Variants in TTC28 observed in about 807,000 individuals in gnomAD.
TTC28 encodes the protein tetratricopeptide repeat domain 28.
TTC28 carries 61 observed loss-of-function variants against 198.0 expected under a neutral mutation model. That is an observed-to-expected ratio of 0.31 (90% CI 0.25 to 0.38). TTC28 has a LOEUF of 0.38. Ranked by LOEUF, TTC28 falls within the 10% of genes least tolerant of loss-of-function variation. The pLI is 1.00. For synonymous variants in TTC28, 1,171 were observed against 1,297.8 expected, an observed-to-expected ratio of 0.90 and a Z score of 2.10; for missense variants, 2,678 against 3,164.0, an observed-to-expected ratio of 0.85 and a Z score of 3.69.
At chr22:28,102,217 T>A (rs1464383356) in intron 8 of TTC28, among the ~76,000 whole-genome samples, 1 of 152,236 alleles carries the variant, frequency 6.6e-6, no homozygotes, top group African/African-American at 2.4e-5. Flanking sequence ...GAAAGCAGAA[T>A]ATGAACACAG....
At chr22:28,111,205 A>C (rs1942471169) in intron 6 of TTC28, among the ~76,000 whole-genome samples, 1 of 152,110 alleles carries the variant, frequency 6.6e-6, no homozygotes, top group African/African-American at 2.4e-5. Context: ...CCTTGGTTTA[A>C]AAACAGTATT....
Position 28,107,335 on chromosome 22 carries a change from T to C in TTC28, c.2510A>G (p.Tyr837Cys), listed in dbSNP as rs1432472409. The change falls in exon 7 of 23, where the codon TAT becomes TGT. Residue 837 changes from tyrosine (Y) to cysteine (C), a missense_variant. By Grantham distance (194) the Tyr-to-Cys change is radical (BLOSUM62 -2). Coordinates refer to ENST00000397906, the MANE Select transcript of TTC28 (RefSeq NM_001145418.2). ...LKDPSLEAQV[Y>C]GNMGITKMNM... ...CATCTTTGTGATGCCCATGTTGCCA[T>C]AGACCTGGGCTTCCAGACTCGGATC... 7.1e-5 allele frequency: 110 copies of C among 1,551,900 alleles called. No individual in the cohort carries two copies. The East Asian group carries it at 8.3e-4, about 12-fold the overall frequency.
Position 27,983,328 on chromosome 22 carries a change from A to C in TTC28, c.6339T>G (p.Thr2113=). 6.4e-7 allele frequency: 1 copy of C among 1,551,690 alleles called. No homozygotes were observed. The highest frequency in any genetic ancestry group is 1.4e-5 in the African/African-American group (1 of 72,944). The change falls in exon 23 of 23, where the codon ACT becomes ACG. Residue 2113 remains threonine (T), a synonymous_variant. Coordinates refer to ENST00000397906, the MANE Select transcript of TTC28 (RefSeq NM_001145418.2). ...AGGGTGAGTTGGGGCTGGGAATCAG[A>C]GTCATTTTCACTGGAGAATTTGGAG... is the stretch of plus-strand genomic sequence containing the variant. The part of the protein sequence containing the change: ...ISTPNSPVKM[T]LIPSPNSPFQ...
chr22:28,552,588 A>T (rs2049694676), intron 2 of TTC28, among the ~76,000 whole-genome samples: 1 of 152,204 alleles, frequency 6.6e-6, no homozygotes, highest in Admixed American at 6.5e-5. Flanking sequence ...ACTTACAGCT[A>T]ACTGTTCTTT....
At chr22:28,580,934 CTAT>C (rs1444455910) in intron 2 of TTC28, among the ~76,000 whole-genome samples, 5 of 151,948 alleles carry the variant, frequency 3.3e-5, no homozygotes, top group Admixed American at 2.6e-4. Context: ...TACTCTCATT[CTAT>C]TATTATTTGA....
intron 5 of TTC28, among the ~76,000 whole-genome samples, chr22:28,263,553 T>C (rs1183075363): frequency 6.6e-6 from 1 of 152,164 alleles, no homozygotes; most frequent in Non-Finnish European, 1.5e-5. Context: ...TTTCATTTCA[T>C]ATAATCATCC....
At chr22:28,404,191 C>T (rs2046963485) in intron 2 of TTC28, among the ~76,000 whole-genome samples, 1 of 152,146 alleles carries the variant, frequency 6.6e-6, no homozygotes, top group African/African-American at 2.4e-5. Flanking sequence ...ACCATCTCGG[C>T]TCATTGCAAG....
At chr22:28,018,311 G>C (rs1407936669) in intron 13 of TTC28, among the ~76,000 whole-genome samples, 3 of 149,700 alleles carry the variant, frequency 2.0e-5, no homozygotes, top group Admixed American at 6.6e-5. Context: ...GCGCGCGGGG[G>C]GGGGGGCGGG....
At chr22:28,117,436 T>C (rs995549021) in intron 6 of TTC28, among the ~76,000 whole-genome samples, 1 of 152,210 alleles carries the variant, frequency 6.6e-6, no homozygotes, top group South Asian at 2.1e-4. Context: ...AATCATATTC[T>C]AACAAAGTCT....
intron 2 of TTC28, among the ~76,000 whole-genome samples, chr22:28,627,127 G>A (rs2051088406): frequency 6.6e-6 from 1 of 152,076 alleles, no homozygotes; most frequent in African/African-American, 2.4e-5. Flanking sequence ...GAGAGACAGA[G>A]GCAGATATAT....
At position 28,665,529 on chromosome 22, in the gene TTC28, C is replaced by A. The variant is rs1016478416; in HGVS notation, c.102+14093G>T. ...TCTGATAAAACAGACTTTAAACCAG[C>A]AAAGATCAAAAGAGACAAAGAAGGC... On this transcript the variant is annotated intron_variant, in intron 1 of 22. Coordinates refer to ENST00000397906, the MANE Select transcript of TTC28 (RefSeq NM_001145418.2). Among the ~76,000 whole-genome samples the A allele has an allele frequency of 3.8e-4, 22 of 57,788 alleles. No individual in the cohort carries two copies. The East Asian group carries it at 9.4e-3, about 25-fold the overall frequency. The allele number at this position is 57,788 out of a possible 152,430, so 37.9% of individuals were successfully genotyped here. A position where few individuals can be genotyped will look rare whatever the true frequency, so the allele number is the denominator to read the frequency against.
intron 2 of TTC28, among the ~76,000 whole-genome samples, chr22:28,528,078 G>C (rs560295369): frequency 6.6e-6 from 1 of 152,204 alleles, no homozygotes; most frequent in African/African-American, 2.4e-5. Context: ...ATTTAGGATT[G>C]TATTTCCAAC....
At chr22:28,124,871 A>G (rs1456484268) in intron 6 of TTC28, among the ~76,000 whole-genome samples, 1 of 152,218 alleles carries the variant, frequency 6.6e-6, no homozygotes, top group Non-Finnish European at 1.5e-5. Flanking sequence ...ACAAAGTCCT[A>G]TAGGTTCCCC....
At chr22:28,606,085 TTTTTTTTTTG>T (rs1448771228) in intron 2 of TTC28, among the ~76,000 whole-genome samples, 4 of 149,420 alleles carry the variant, frequency 2.7e-5, no homozygotes, top group African/African-American at 7.4e-5. Flanking sequence ...TGTGAATACT[TTTTTTTTTTG>T]TTTTTTGAGA....
At chr22:28,566,344 A>G (rs1310421205) in intron 2 of TTC28, among the ~76,000 whole-genome samples, 1 of 152,158 alleles carries the variant, frequency 6.6e-6, no homozygotes, top group Admixed American at 6.6e-5. Flanking sequence ...CAGTGGAGGG[A>G]AAAGGAAAGG....
chr22:28,123,098 C>T (rs563941594), intron 6 of TTC28, among the ~76,000 whole-genome samples: 1 of 152,346 alleles, frequency 6.6e-6, no homozygotes, highest in East Asian at 1.9e-4. Context: ...CAAAAGCCAT[C>T]TTACAACACA....
rs574866958 is a variant in TTC28, at chr22:28,657,252, A to C, written c.102+22370T>G. ...GATTTTGACCACTACATACGCCTCA[A>C]TGCCACAATACACAACCTTCTCTAA... On this transcript the variant is annotated intron_variant, in intron 1 of 22. Coordinates refer to ENST00000397906, the MANE Select transcript of TTC28 (RefSeq NM_001145418.2). Among the ~76,000 whole-genome samples the C allele has an allele frequency of 3.2e-4, 48 of 152,342 alleles. 1 individual carries two copies. Among genetic ancestry groups the C allele is most frequent in the Admixed American group, 5.9e-4 (9 of 15,302 alleles).
intron 5 of TTC28, among the ~76,000 whole-genome samples, chr22:28,223,488 T>C (rs1423988251): frequency 2.6e-5 from 4 of 152,232 alleles, no homozygotes. Flanking sequence ...TCTATTTTGA[T>C]GAGCTTCAAA....
At chr22:28,134,046 G>A (rs1943132141) in intron 6 of TTC28, among the ~76,000 whole-genome samples, 1 of 152,210 alleles carries the variant, frequency 6.6e-6, no homozygotes, top group South Asian at 2.1e-4. Context: ...AACATTTGCT[G>A]TTCAGCAATA....
Sources: gnomAD v4.1 joint callset for allele counts (sites outside exome capture counted in the v4.1 genomes callset) on GRCh38, gnomAD v4.1.1 for gene constraint, MANE v1.5 for transcripts, NCBI Gene and HGNC (gene_info 2026-07-23, HGNC 2026-07-21) for gene names.